The following FARS2 variants were observed in gnomAD, a reference collection of about 807,000 sequenced individuals.
FARS2 encodes phenylalanine--tRNA ligase, mitochondrial.
Under a neutral mutation model 46.4 loss-of-function variants are expected in FARS2, and 40 were observed. The observed-to-expected ratio is 0.86, with a 90% CI of 0.67 to 1.12. The LOEUF (loss-of-function observed/expected upper bound fraction) is 1.12. Among genes scored for constraint, FARS2 ranks in the 50% most tolerant of loss-of-function variants. FARS2 has a pLI of 0.00. For missense variants in FARS2, 513 were observed against 567.9 expected (o/e 0.90, Z 0.98); for synonymous variants, 234 against 214.9 (o/e 1.09, Z -0.78).
intron 6 of FARS2, among the ~76,000 whole-genome samples, chr6:5,673,066 C>T (rs1258198949): frequency 6.6e-6 from 1 of 152,170 alleles, no homozygotes; most frequent in African/African-American, 2.4e-5. Flanking sequence ...GTCTACCAAC[C>T]AAGAGCCCCC....
chr6:5,341,961 A>G (rs1771691440), intron 1 of FARS2, among the ~76,000 whole-genome samples: 1 of 152,228 alleles, frequency 6.6e-6, no homozygotes, highest in Non-Finnish European at 1.5e-5. Context: ...ATTACAGTGG[A>G]AGTAAGAAAA....
chr6:5,509,439 G>A (rs927900248), intron 4 of FARS2, among the ~76,000 whole-genome samples: 1 of 152,204 alleles, frequency 6.6e-6, no homozygotes, highest in Non-Finnish European at 1.5e-5. Flanking sequence ...AAGAAATCTC[G>A]TGAGCACACT....
At chr6:5,687,431 C>G (rs1582763041) in intron 6 of FARS2, among the ~76,000 whole-genome samples, 1 of 152,146 alleles carries the variant, frequency 6.6e-6, no homozygotes. Context: ...AGCCAGTTTT[C>G]CCAGCACCAT....
chr6:5,739,673 A>G (rs1050782534), intron 6 of FARS2, among the ~76,000 whole-genome samples: 8 of 152,174 alleles, frequency 5.3e-5, no homozygotes, highest in Non-Finnish European at 1.5e-5. Context: ...GGAGTGTTAG[A>G]AAATAATCTT....
At chr6:5,333,206 G>T (rs934871978) in intron 1 of FARS2, among the ~76,000 whole-genome samples, 3 of 150,894 alleles carry the variant, frequency 2.0e-5, no homozygotes, top group African/African-American at 7.3e-5. Context: ...GTTTATTTTG[G>T]TCTTACTTGA....
In FARS2 at chr6:5,557,151, C is replaced by CT. The variant is rs796072099; in HGVS notation, c.1065+11819dup. Among the ~76,000 whole-genome samples the CT allele has an allele frequency of 6.8e-4, 103 of 152,076 alleles. 1 individual carries two copies. The highest frequency in any genetic ancestry group is 2.4e-3 in the African/African-American group (100 of 41,438). On this transcript the variant is annotated intron_variant, in intron 5 of 6. Coordinates refer to ENST00000274680, the MANE Select transcript of FARS2 (RefSeq NM_006567.5). The stretch of plus-strand genomic sequence containing the variant: ...TAAGTGTTGATGGACAAGTTAATGT[C>CT]TTTTTTTTCCTGAGTGTGAATATGG...
chr6:5,355,175 G>A (rs913393919), intron 1 of FARS2, among the ~76,000 whole-genome samples: 8 of 151,872 alleles, frequency 5.3e-5, no homozygotes, highest in African/African-American at 1.5e-4. Context: ...GGGATTCTTT[G>A]CTTTTAAATA....
intron 4 of FARS2, among the ~76,000 whole-genome samples, chr6:5,484,364 A>G (rs772796547): frequency 6.6e-6 from 1 of 152,200 alleles, no homozygotes; most frequent in Non-Finnish European, 1.5e-5. Flanking sequence ...AATCGTGTGA[A>G]TATTAGGTTT....
intron 6 of FARS2, among the ~76,000 whole-genome samples, chr6:5,662,400 T>C (rs569564520): frequency 4.9e-4 from 75 of 152,326 alleles, no homozygotes; most frequent in Middle Eastern, 3.4e-3. Context: ...GTGCTATATG[T>C]TAAACTCACT....
intron 2 of FARS2, chr6:5,371,155 A>T: frequency 7.1e-6 from 7 of 982,756 alleles, no homozygotes; most frequent in Non-Finnish European, 8.5e-6. Flanking sequence ...CCCAAAGGGG[A>T]GTTTTGGTTC....
chr6:5,666,354 C>G (rs1778120771), intron 6 of FARS2, among the ~76,000 whole-genome samples: 1 of 152,154 alleles, frequency 6.6e-6, no homozygotes, highest in African/African-American at 2.4e-5. Context: ...CACTGCAGGT[C>G]CCTGAATTTG....
intron 4 of FARS2, among the ~76,000 whole-genome samples, chr6:5,495,606 G>A (rs114332470): frequency 8.1e-4 from 123 of 152,330 alleles, no homozygotes; most frequent in African/African-American, 2.9e-3. Context: ...TGGAACATCA[G>A]CCCTTTAAGC....
At chr6:5,259,122 T>C (rs778639267), upstream of FARS2, among the ~76,000 whole-genome samples, 3 of 152,250 alleles carry the variant, frequency 2.0e-5, no homozygotes, top group Non-Finnish European at 4.4e-5. Context: ...CTTTCTTACA[T>C]GCTCTCACAT....
intron 1 of FARS2, among the ~76,000 whole-genome samples, chr6:5,287,099 G>A (rs1471788123): frequency 6.6e-6 from 1 of 152,232 alleles, no homozygotes; most frequent in Non-Finnish European, 1.5e-5. Flanking sequence ...TAGCTCTTTA[G>A]GTAAAGAGCC....
At chr6:5,749,685 T>C (rs1214518298) in intron 6 of FARS2, among the ~76,000 whole-genome samples, 1 of 152,168 alleles carries the variant, frequency 6.6e-6, no homozygotes, top group Non-Finnish European at 1.5e-5. Flanking sequence ...ATGTTTACAG[T>C]TTATGAAGTA....
At chr6:5,252,480 G>A in the FARS2 span, among the ~76,000 whole-genome samples, 24 of 152,140 alleles carry the variant, frequency 1.6e-4, no homozygotes, top group South Asian at 2.7e-3. Flanking sequence ...TCTGACACAC[G>A]CCTTGCATTT....
intron 1 of FARS2, among the ~76,000 whole-genome samples, chr6:5,274,745 C>G (rs1766211199): frequency 6.6e-6 from 1 of 152,074 alleles, no homozygotes; most frequent in African/African-American, 2.4e-5. Flanking sequence ...GGGTCTTGCT[C>G]TGTCACCCCA....
chr6:5,688,892 C>G (rs1330407954), intron 6 of FARS2, among the ~76,000 whole-genome samples: 1 of 152,132 alleles, frequency 6.6e-6, no homozygotes, highest in African/African-American at 2.4e-5. Context: ...TGTTATTGGT[C>G]TATTCAGAGA....
At chr6:5,732,672 G>A (rs1011582370) in intron 6 of FARS2, among the ~76,000 whole-genome samples, 3 of 152,168 alleles carry the variant, frequency 2.0e-5, no homozygotes, top group Non-Finnish European at 2.9e-5. Context: ...CCTGATCCCC[G>A]GACACATCAA....
Sources: allele counts gnomAD v4.1 joint callset (sites outside exome capture counted in the v4.1 genomes callset), GRCh38; gene constraint gnomAD v4.1.1; transcripts MANE v1.5; gene names NCBI Gene and HGNC (gene_info 2026-07-23, HGNC 2026-07-21).